Variants in ABCA5 observed in about 807,000 individuals in gnomAD.
ABCA5 encodes cholesterol transporter ABCA5.
Under a neutral mutation model 206.0 loss-of-function variants are expected in ABCA5, and 163 were observed. That is an observed-to-expected ratio of 0.79 (90% confidence interval 0.70 to 0.90). The LOEUF (loss-of-function observed/expected upper bound fraction) is 0.90. Among genes scored for constraint, ABCA5 ranks in the 40% least tolerant of loss-of-function variants. ABCA5 has a pLI of 0.00. For synonymous variants in ABCA5, 609 were observed against 613.8 expected, an observed-to-expected ratio of 0.99 and a Z score of 0.11; for missense variants, 1,859 against 1,912.9, an observed-to-expected ratio of 0.97 and a Z score of 0.53.
intron 11 of ABCA5, 59 bp downstream of exon 11, chr17:69,294,596 A>C (rs1482078380): frequency 5.1e-6 from 7 of 1,370,692 alleles, no homozygotes; most frequent in Non-Finnish European, 7.1e-6. Context: ...AAGCTATGCA[A>C]ATTATTTTTC....
rs2075497144 is a variant in ABCA5 at position 69,289,190 on chromosome 17, A to G, written c.1889T>C (p.Leu630Pro). The G allele has an allele frequency of 1.9e-6, 3 of 1,602,892 alleles. No homozygotes were observed. In the South Asian group the frequency reaches 3.4e-5, roughly 18 times the overall value. ...KRKLSLGIAV[L>P]GNPKILLLDE... ...ATATTTATTTACCTTTGGGTTCCCA[A>G]GAACAGCAATTCCTAATGACAGCTT... The change falls in exon 14 of 39, where the codon CTT becomes CCT. Residue 630 changes from leucine (L) to proline (P), a missense_variant. Physicochemically the swap from Leu to Pro is moderately conservative, Grantham distance 98. Transcript: ENST00000392676.
intron 11 of ABCA5, among the ~76,000 whole-genome samples, chr17:69,293,128 T>C (rs2075545834): frequency 6.6e-6 from 1 of 151,902 alleles, no homozygotes; most frequent in Non-Finnish European, 1.5e-5. Context: ...CAGGGATGTT[T>C]AGCAGCGTGT....
At chr17:69,320,160 A>C (rs2075851025) in intron 1 of ABCA5, among the ~76,000 whole-genome samples, 1 of 152,222 alleles carries the variant, frequency 6.6e-6, no homozygotes, top group African/African-American at 2.4e-5. Flanking sequence ...AATATCCTTA[A>C]AAGAGTAATA....
chr17:69,293,564 A>G (rs2075550871), intron 11 of ABCA5, among the ~76,000 whole-genome samples: 1 of 152,152 alleles, frequency 6.6e-6, no homozygotes, highest in Non-Finnish European at 1.5e-5. Context: ...TAGTCTTGAT[A>G]ATAATGGTAA....
intron 8 of ABCA5, among the ~76,000 whole-genome samples, chr17:69,302,171 T>TA (rs1400564423): frequency 6.6e-6 from 1 of 152,198 alleles, no homozygotes; most frequent in Non-Finnish European, 1.5e-5. Flanking sequence ...AGCCATTTCT[T>TA]ATAAGACTTC....
At chr17:69,308,157 G>A (rs1471965500) in intron 5 of ABCA5, 123 bp downstream of exon 5, 3 of 440,762 alleles carry the variant, frequency 6.8e-6, no homozygotes, top group Non-Finnish European at 1.2e-5. Flanking sequence ...TCTCAAAGGA[G>A]TTGTAGTAGG....
At chr17:69,259,135 T>C (rs541424538) in intron 28 of ABCA5, among the ~76,000 whole-genome samples, 2 of 152,176 alleles carry the variant, frequency 1.3e-5, no homozygotes, top group East Asian at 3.9e-4. Context: ...GTATACAAAC[T>C]AGCAACATTG....
At position 69,246,075 on chromosome 17, in the gene ABCA5, G is replaced by A. The variant is rs1390335122; in HGVS notation, c.*1462C>T. ...GTATAGCAACTGCCCCCAGCAATGG[G>A]GGAAAATATCAGCCACGTACTTTGT... On this transcript the variant is annotated 3_prime_UTR_variant, in exon 39 of 39. Coordinates refer to ENST00000392676, the MANE Select transcript of ABCA5 (RefSeq NM_172232.4). 1.3e-5 allele frequency: 2 copies of A among 151,860 alleles called. No individual in the cohort carries two copies. The highest frequency in any genetic ancestry group is 2.4e-5 in the African/African-American group (1 of 41,382). 9.4% of individuals were successfully genotyped at this position (151,860 alleles called of 1,614,324 possible).
chr17:69,278,021 T>C (rs1449204986), intron 18 of ABCA5, among the ~76,000 whole-genome samples, 179 bp from the exon 19 acceptor site: 4 of 151,908 alleles, frequency 2.6e-5, no homozygotes, highest in Non-Finnish European at 4.4e-5. Flanking sequence ...ACCCAAGAGA[T>C]CCCCAACAGG....
At chr17:69,279,913 C>T (rs1165519483) in intron 18 of ABCA5, among the ~76,000 whole-genome samples, 2 of 152,146 alleles carry the variant, frequency 1.3e-5, no homozygotes, top group Non-Finnish European at 2.9e-5. Flanking sequence ...AACGTTAGAC[C>T]TAAAACCATA....
Position 69,254,328 on chromosome 17 carries a change from C to T in ABCA5, c.4231G>A (p.Glu1411Lys), listed in dbSNP as rs2144896819. The part of the protein sequence containing the change: ...VKGMSASDMK[E>K]VISRITHALD... ...CAATTATTTTACCGACTTATGACTT[C>T]TTTCATGTCACTTGCACTCATTCCT... The change falls in exon 32 of 39, where the codon GAA (glutamate) becomes AAA (lysine). Residue 1411 changes from glutamate (E) to lysine (K), a missense_variant. Coordinates refer to ENST00000392676, the MANE Select transcript of ABCA5 (RefSeq NM_172232.4). 3.1e-6 allele frequency: 5 copies of T among 1,606,148 alleles called. No homozygotes were observed. The highest frequency in any genetic ancestry group is 4.3e-6 in the Non-Finnish European group (5 of 1,176,218).
intron 3 of ABCA5, among the ~76,000 whole-genome samples, chr17:69,312,173 A>T (rs2075776953): frequency 6.6e-6 from 1 of 152,224 alleles, no homozygotes; most frequent in African/African-American, 2.4e-5. Context: ...TTAATAGCAT[A>T]AGAATTTCTG....
At chr17:69,270,582 T>C in intron 22 of ABCA5, 31 bp downstream of exon 22, 2 of 1,545,282 alleles carry the variant, frequency 1.3e-6, no homozygotes, top group South Asian at 1.3e-5. Context: ...GACATGCATA[T>C]GGAAATTTAT....
intron 1 of ABCA5, chr17:69,316,844 G>A (rs2075821286): frequency 6.6e-6 from 1 of 152,216 alleles, no homozygotes; most frequent in African/African-American, 2.4e-5. Flanking sequence ...AGAAACTGCG[G>A]AGAAAGTGGA....
At chr17:69,303,525 C>A (rs2145015144) in intron 7 of ABCA5, among the ~76,000 whole-genome samples, 1 of 149,438 alleles carries the variant, frequency 6.7e-6, no homozygotes, top group Non-Finnish European at 1.5e-5. Flanking sequence ...CAGTAAGATG[C>A]ATAAAATATG....
rs1197389421 is a variant in ABCA5 at position 69,286,260 on chromosome 17, A to G, written c.2093T>C (p.Met698Thr). ...QGMLKCVGSS[M>T]FLKSKWGIGY... ...GATCCCCCATTTACTTTTGAGGAACATTGAAGAACCAACACATTTCAGCAT... is the reference window on the plus strand; with the variant it reads ...GATCCCCCATTTACTTTTGAGGAACGTTGAAGAACCAACACATTTCAGCAT... The change falls in exon 16 of 39, where the codon ATG (methionine) becomes ACG (threonine). Residue 698 changes from methionine (M) to threonine (T), a missense_variant. Coordinates refer to ENST00000392676, the MANE Select transcript of ABCA5 (RefSeq NM_172232.4). 6.3e-7 allele frequency: 1 copy of G among 1,592,664 alleles called. No individual in the cohort carries two copies. The highest frequency in any genetic ancestry group is 8.5e-7 in the Non-Finnish European group (1 of 1,175,026).
At chr17:69,311,393 ATACAGAAGTC>A (rs2075767353) in intron 3 of ABCA5, among the ~76,000 whole-genome samples, 1 of 152,204 alleles carries the variant, frequency 6.6e-6, no homozygotes. Context: ...GTTGTTAAAA[ATACAGAAGTC>A]TAAAAAAATT....
chr17:69,314,808 T>C (rs2075800534), intron 1 of ABCA5: 1 of 159,052 alleles, frequency 6.3e-6, no homozygotes, highest in South Asian at 2.0e-4. Flanking sequence ...TTTTTTTCTT[T>C]TCTGAATTCT....
In ABCA5 at chr17:69,244,453, C is replaced by G. The variant is rs1315863521; in HGVS notation, c.*3084G>C. On this transcript the variant is annotated 3_prime_UTR_variant, in exon 39 of 39. Coordinates refer to ENST00000392676, the MANE Select transcript of ABCA5 (RefSeq NM_172232.4). ...TCTTAAAGCTTATTATTAATATAAT[C>G]ATATTTATTTTTCTTAAAGAGCAGC... The G allele has an allele frequency of 1.3e-5, 2 of 151,730 alleles. No individual in the cohort carries two copies. Among genetic ancestry groups the G allele is most frequent in the Non-Finnish European group, 2.9e-5 (2 of 67,850 alleles). The allele number at this position is 151,730 out of a possible 1,614,324, so 9.4% of individuals were successfully genotyped here. A position where few individuals can be genotyped will look rare whatever the true frequency, so the allele number is the denominator to read the frequency against.
Sources: allele counts gnomAD v4.1 joint callset (sites outside exome capture counted in the v4.1 genomes callset), GRCh38; gene constraint gnomAD v4.1.1; transcripts MANE v1.5; gene names NCBI Gene and HGNC (gene_info 2026-07-23, HGNC 2026-07-21).